PTPRK: variants seen among roughly 807,000 people sequenced by gnomAD.
The protein encoded by PTPRK is protein tyrosine phosphatase receptor type K.
A neutral mutation model predicts 178.0 loss-of-function variants in PTPRK; 75 were observed. The observed-to-expected ratio is 0.42, with a 90% CI of 0.35 to 0.51. The LOEUF (loss-of-function observed/expected upper bound fraction) is 0.51. Among genes scored for constraint, PTPRK ranks in the 20% least tolerant of loss-of-function variants. The probability of loss-of-function intolerance (pLI) is 0.02; values close to 1 mark genes in which losing one functional copy is unlikely to be tolerated. For missense variants in PTPRK, 1,441 were observed against 1,797.8 expected (o/e 0.80, Z 3.59); for synonymous variants, 637 against 620.6 (o/e 1.03, Z -0.39).
At chr6:128,354,231 G>GTTTTTTTGTTTTTT (rs1833612554) in intron 2 of PTPRK, among the ~76,000 whole-genome samples, 1 of 49,358 alleles carries the variant, frequency 2.0e-5, no homozygotes, top group Admixed American at 4.0e-4. Context: ...TTTTGTTTAT[G>GTTTTTTTGTTTTTT]TTTTTTTTTT....
At chr6:128,072,757 T>C (rs1783056995) in intron 11 of PTPRK, among the ~76,000 whole-genome samples, 1 of 152,070 alleles carries the variant, frequency 6.6e-6, no homozygotes, top group South Asian at 2.1e-4. Flanking sequence ...CATGAAGGCT[T>C]CTTGAACTAT....
intron 7 of PTPRK, among the ~76,000 whole-genome samples, chr6:128,133,698 A>T (rs1252515396): frequency 6.6e-6 from 1 of 152,106 alleles, no homozygotes; most frequent in Non-Finnish European, 1.5e-5. Context: ...ATCTGAATGA[A>T]ATAATAACTA....
intron 1 of PTPRK, among the ~76,000 whole-genome samples, chr6:128,488,234 G>T (rs934652859): frequency 6.6e-6 from 1 of 152,108 alleles, no homozygotes; most frequent in African/African-American, 2.4e-5. Flanking sequence ...AAAGATGAAG[G>T]CCAGAAAATT....
chr6:128,056,510 C>T (rs571275230), intron 13 of PTPRK, among the ~76,000 whole-genome samples: 3 of 151,874 alleles, frequency 2.0e-5, no homozygotes, highest in South Asian at 2.1e-4. Flanking sequence ...CTGCAACCTC[C>T]GCCTCCCGGG....
At chr6:128,412,497 A>G (rs944992980) in intron 1 of PTPRK, among the ~76,000 whole-genome samples, 1 of 152,184 alleles carries the variant, frequency 6.6e-6, no homozygotes, top group Admixed American at 6.5e-5. Context: ...TTCTTTTCAA[A>G]TATGTACTGC....
intron 2 of PTPRK, among the ~76,000 whole-genome samples, chr6:128,377,652 G>C (rs1053974608): frequency 6.6e-6 from 1 of 151,010 alleles, no homozygotes; most frequent in Non-Finnish European, 1.5e-5. Flanking sequence ...TCAGCATCTT[G>C]AGAAAAGTTA....
At chr6:128,517,880 A>C (rs923940171) in intron 1 of PTPRK, among the ~76,000 whole-genome samples, 1 of 152,190 alleles carries the variant, frequency 6.6e-6, no homozygotes, top group African/African-American at 2.4e-5. Flanking sequence ...TCTCAAAAGG[A>C]ATAAAAGTTC....
intron 3 of PTPRK, among the ~76,000 whole-genome samples, chr6:128,264,283 AAAG>A (rs1818622285): frequency 2.6e-5 from 4 of 152,290 alleles, no homozygotes; most frequent in Admixed American, 2.6e-4. Flanking sequence ...GTTTTTCTTT[AAAG>A]AAGAACAGCC....
In PTPRK at chr6:128,063,594, T is replaced by C. The variant is rs1781240510; in HGVS notation, c.2194+1164A>G. 3 of 152,224 alleles carry C rather than the reference T, an allele frequency of 2.0e-5. No homozygotes were observed. In the South Asian group the frequency reaches 6.2e-4, roughly 31 times the overall value. 9.4% of individuals were successfully genotyped at this position (152,224 alleles called of 1,614,324 possible). A position where few individuals can be genotyped will look rare whatever the true frequency, so the allele number is the denominator to read the frequency against. ...TATCTTTTAAAAATTTCAACTCTCG[T>C]TCCTGATCAGTAAGCTAAATTTTTA... On this transcript the variant is annotated intron_variant, in intron 13 of 29. Coordinates refer to ENST00000368226, the MANE Select transcript of PTPRK (RefSeq NM_002844.4).
intron 7 of PTPRK, among the ~76,000 whole-genome samples, chr6:128,142,570 A>G (rs1795929408): frequency 1.3e-5 from 2 of 151,606 alleles, no homozygotes; most frequent in African/African-American, 4.8e-5. Context: ...ATACACACAC[A>G]CACGTGTGGT....
At chr6:128,125,359 G>T (rs111463122) in intron 7 of PTPRK, among the ~76,000 whole-genome samples, 3,878 of 152,068 alleles carry the variant, frequency 0.026, 78 homozygotes, top group Middle Eastern at 0.092. Flanking sequence ...TTGTTTAAAA[G>T]TGTACAGCAT....
At chr6:128,304,312 A>G (rs1826062401) in intron 3 of PTPRK, among the ~76,000 whole-genome samples, 1 of 152,210 alleles carries the variant, frequency 6.6e-6, no homozygotes, top group South Asian at 2.1e-4. Context: ...AGCATTTAAC[A>G]TCAGGGAGGC....
At chr6:128,122,938 G>T (rs1007514656) in intron 7 of PTPRK, among the ~76,000 whole-genome samples, 4 of 152,110 alleles carry the variant, frequency 2.6e-5, no homozygotes, top group African/African-American at 9.7e-5. Flanking sequence ...ATATGGCATG[G>T]TGTAAGTGGG....
At chr6:128,118,276 C>T (rs543107044) in intron 7 of PTPRK, among the ~76,000 whole-genome samples, 4 of 152,234 alleles carry the variant, frequency 2.6e-5, no homozygotes, top group East Asian at 1.9e-4. Context: ...TACATGGTGG[C>T]GTGTCTGTGT....
intron 2 of PTPRK, among the ~76,000 whole-genome samples, chr6:128,358,123 C>T (rs971729704): frequency 6.6e-6 from 1 of 152,182 alleles, no homozygotes; most frequent in Non-Finnish European, 1.5e-5. Flanking sequence ...TTGGCTACCT[C>T]CTTCATAAGT....
rs143080005 is a variant in PTPRK at position 128,208,370 on chromosome 6, T to C, written c.868+10552A>G. 2.6e-4 allele frequency among the ~76,000 whole-genome samples: 40 copies of C among 151,842 alleles called. No individual in the cohort carries two copies. The East Asian group carries it at 7.6e-3, about 29-fold the overall frequency. ...ATGTAGGAAAAAGGTCCAGGAGCAT[T>C]ATTATCAGGAGCAATAAAATTCTGA... On this transcript the variant is annotated intron_variant, in intron 6 of 29. Coordinates refer to ENST00000368226, the MANE Select transcript of PTPRK (RefSeq NM_002844.4).
Position 128,082,618 on chromosome 6 carries a change from T to TAA in PTPRK, c.1595_1596insTT (p.Arg532SerfsTer41). ...CCACTGGAACTGCAGGATCAAATGATCTTATACTGCTATAGCTGATCTGTT... is the reference window on the plus strand; with the variant it reads ...CCACTGGAACTGCAGGATCAAATGATAACTTATACTGCTATAGCTGATCTGTT... On this transcript the variant is annotated frameshift_variant, in exon 10 of 30. Transcript: ENST00000368226. LOFTEE classifies it high-confidence loss of function. 6.2e-7 allele frequency: 1 copy of TAA among 1,610,258 alleles called. No individual in the cohort carries two copies. The highest frequency in any genetic ancestry group is 8.5e-7 in the Non-Finnish European group (1 of 1,176,882).
chr6:128,298,034 T>A (rs564891807), intron 3 of PTPRK, among the ~76,000 whole-genome samples: 5 of 152,000 alleles, frequency 3.3e-5, no homozygotes, highest in South Asian at 2.1e-4. Flanking sequence ...TAAAAAATGA[T>A]AAAGGGGATA....
At chr6:128,257,347 T>TTGTAA (rs1238180122) in intron 3 of PTPRK, among the ~76,000 whole-genome samples, 5 of 152,198 alleles carry the variant, frequency 3.3e-5, no homozygotes, top group Admixed American at 1.3e-4. Flanking sequence ...TTTGAAGGTG[T>TTGTAA]TGTAATGCCT....
Sources: allele counts gnomAD v4.1 joint callset (sites outside exome capture counted in the v4.1 genomes callset), GRCh38; gene constraint gnomAD v4.1.1; transcripts MANE v1.5; gene names NCBI Gene and HGNC (gene_info 2026-07-23, HGNC 2026-07-21).